The following ERAP1 variants were observed in gnomAD, a reference collection of about 807,000 sequenced individuals.
ERAP1 encodes the protein endoplasmic reticulum aminopeptidase 1, also known as adipocyte-derived leucine aminopeptidase.
ERAP1 carries 86 observed loss-of-function variants against 103.7 expected under a neutral mutation model. The observed-to-expected ratio is 0.83, with a 90% CI of 0.70 to 0.99. The LOEUF (loss-of-function observed/expected upper bound fraction) is 0.99, where lower values mean the gene tolerates loss of function less well. ERAP1 is among the 50% of genes least tolerant of loss of function. The pLI is 0.00. For synonymous variants in ERAP1, 398 were observed against 402.4 expected (o/e 0.99, Z 0.13); for missense variants, 1,009 against 1,128.4 (o/e 0.89, Z 1.52).
At position 96,774,711 on chromosome 5, in the gene ERAP1, G is replaced by A. The variant is rs1228556691; in HGVS notation, c.*1685C>T. ...TTGGTTGTGTATTTTTTTAAAAGAAGGGAAATAGTTTAGTTTGGGGTGGAA... is the reference window on the plus strand; with the variant it reads ...TTGGTTGTGTATTTTTTTAAAAGAAAGGAAATAGTTTAGTTTGGGGTGGAA... On this transcript the variant is annotated 3_prime_UTR_variant, in exon 19 of 19. Coordinates refer to ENST00000443439, the MANE Select transcript of ERAP1 (RefSeq NM_001040458.3). 4 of 982,718 alleles carry A rather than the reference G, an allele frequency of 4.1e-6. No homozygotes were observed. Among genetic ancestry groups the A allele is most frequent in the African/African-American group, 1.8e-5 (1 of 57,068 alleles). 60.9% of individuals were successfully genotyped at this position (982,718 alleles called of 1,614,324 possible).
At chr5:96,794,043 G>T in intron 5 of ERAP1, 86 bp from the exon 6 acceptor site, 1 of 1,370,618 alleles carries the variant, frequency 7.3e-7, no homozygotes, top group Non-Finnish European at 1.0e-6. Context: ...ATAGGTGTTT[G>T]AACCAGCTGC....
the ERAP1 span, chr5:96,909,779 C>T: frequency 1.9e-6 from 3 of 1,609,572 alleles, no homozygotes; most frequent in Non-Finnish European, 2.5e-6. Context: ...ATGTAGACTT[C>T]TGTCCTACCC....
In ERAP1 at chr5:96,775,832, C is replaced by G; in HGVS notation, c.*564G>C. 2.2e-6 allele frequency: 1 copy of G among 449,860 alleles called. No homozygotes were observed. Among genetic ancestry groups the G allele is most frequent in the Non-Finnish European group, 2.9e-6 (1 of 339,606 alleles). The allele number at this position is 449,860 out of a possible 1,614,324, so 27.9% of individuals were successfully genotyped here. On this transcript the variant is annotated 3_prime_UTR_variant, in exon 19 of 19. Transcript: ENST00000443439. ...CTACCTCCTCCGACCCCAGCTCCAG[C>G]TCTCCGGCTCCCCACTGACCAACAT...
chr5:96,771,567 C>T (rs1772328646), downstream of ERAP1: 1 of 1,081,658 alleles, frequency 9.2e-7, no homozygotes, highest in African/African-American at 1.6e-5. Flanking sequence ...TCTTTTGTCC[C>T]CTAATTCTGA....
At chr5:96,889,843 CACACA>C in the ERAP1 span, among the ~76,000 whole-genome samples, 1 of 151,768 alleles carries the variant, frequency 6.6e-6, no homozygotes, top group Non-Finnish European at 1.5e-5. Context: ...CACACACACA[CACACA>C]CACACACACA....
In ERAP1 at chr5:96,783,234, G is replaced by T; in HGVS notation, c.2102C>A (p.Ala701Asp). 2 of 1,609,684 alleles carry T rather than the reference G, an allele frequency of 1.2e-6. No individual in the cohort carries two copies. The highest frequency in any genetic ancestry group is 1.1e-5 in the South Asian group (1 of 90,950). ...DMNEVETQFKAFLIRLLRDLI... is the reference protein window; with the variant it reads ...DMNEVETQFKDFLIRLLRDLI... ...GTCCCTTAGCAGCCTGATGAGGAAG[G>T]CCTGAGGGCGTTGTACAGGGAAACA... The change falls in exon 15 of 19, where the codon GCC becomes GAC. Residue 701 changes from alanine to aspartate, a missense_variant and splice_region_variant. Coordinates refer to ENST00000443439, the MANE Select transcript of ERAP1 (RefSeq NM_001040458.3).
At chr5:96,824,834 A>T in the ERAP1 span, among the ~76,000 whole-genome samples, 1 of 152,330 alleles carries the variant, frequency 6.6e-6, no homozygotes, top group Admixed American at 6.5e-5. Context: ...GGATCACTTC[A>T]GCCCTGGAGT....
At chr5:96,881,543 A>G in the ERAP1 span, 1 of 453,156 alleles carries the variant, frequency 2.2e-6, no homozygotes, top group South Asian at 1.6e-5. Flanking sequence ...TGCCAGTTGG[A>G]GAAATCTAAA....
At chr5:96,821,023 C>A in the ERAP1 span, among the ~76,000 whole-genome samples, 3 of 152,182 alleles carry the variant, frequency 2.0e-5, no homozygotes, top group Non-Finnish European at 4.4e-5. Context: ...TTTGCTGATA[C>A]AATTGTGGGG....
At chr5:96,810,323 G>T (rs1301666533), upstream of ERAP1, among the ~76,000 whole-genome samples, 1 of 152,198 alleles carries the variant, frequency 6.6e-6, no homozygotes, top group East Asian at 1.9e-4. Context: ...CTTAGAAATG[G>T]TTAGAAGGAA....
At chr5:96,827,920 T>C in the ERAP1 span, among the ~76,000 whole-genome samples, 1 of 152,224 alleles carries the variant, frequency 6.6e-6, no homozygotes, top group African/African-American at 2.4e-5. Flanking sequence ...CATTATTTCT[T>C]CTACTAGACC....
intron 1 of ERAP1, among the ~76,000 whole-genome samples, chr5:96,804,167 T>C: frequency 6.6e-6 from 1 of 152,234 alleles, no homozygotes; most frequent in East Asian, 1.9e-4. Flanking sequence ...GAAAGCATCA[T>C]TTGATGTTCA....
the ERAP1 span, among the ~76,000 whole-genome samples, chr5:96,876,861 C>T: frequency 2.6e-3 from 400 of 152,278 alleles, 6 homozygotes; most frequent in Admixed American, 0.023. Context: ...GCCCACCAGA[C>T]CAAAGGGCAA....
At chr5:96,761,896 A>C (rs1022865832) in exon 20 of ERAP1, 3 of 159,138 alleles carry the variant, frequency 1.9e-5, no homozygotes, top group African/African-American at 7.2e-5. Flanking sequence ...TTGAGAGGGC[A>C]GTTTAGCAAA....
At chr5:96,930,397 C>T in the ERAP1 span, among the ~76,000 whole-genome samples, 2 of 152,286 alleles carry the variant, frequency 1.3e-5, no homozygotes, top group African/African-American at 4.8e-5. Context: ...AGCTCCATTG[C>T]GCATGCACAC....
At chr5:96,770,609 G>A (rs765363194), downstream of ERAP1, 5 of 1,595,380 alleles carry the variant, frequency 3.1e-6, no homozygotes, top group Non-Finnish European at 4.3e-6. Flanking sequence ...AAAGGTAAAT[G>A]GAGCAGTAAA....
the ERAP1 span, among the ~76,000 whole-genome samples, chr5:96,875,545 A>AG: frequency 6.6e-6 from 1 of 151,706 alleles, no homozygotes; most frequent in Non-Finnish European, 1.5e-5. Context: ...CAAAAAAAAA[A>AG]AAAAGAAAAG....
the ERAP1 span, chr5:96,902,622 C>T: frequency 3.5e-6 from 1 of 288,160 alleles, no homozygotes; most frequent in Non-Finnish European, 6.5e-6. Flanking sequence ...TCTTATAATA[C>T]CCACTAATCT....
At chr5:96,897,234 A>G in the ERAP1 span, among the ~76,000 whole-genome samples, 66 of 152,302 alleles carry the variant, frequency 4.3e-4, no homozygotes, top group Non-Finnish European at 1.0e-4. Flanking sequence ...ATATTTGTTG[A>G]GCAAAACTAA....
Sources: gnomAD v4.1 joint callset for allele counts (sites outside exome capture counted in the v4.1 genomes callset) on GRCh38, gnomAD v4.1.1 for gene constraint, MANE v1.5 for transcripts, NCBI Gene and HGNC (gene_info 2026-07-23, HGNC 2026-07-21) for gene names.